The following ELP4 variants were observed in gnomAD, a reference collection of about 807,000 sequenced individuals.
ELP4 encodes the protein elongator acetyltransferase complex subunit 4.
Under a neutral mutation model 48.9 loss-of-function variants are expected in ELP4, and 51 were observed. The ratio of observed to expected loss-of-function variants is 1.04; its 90% confidence interval spans 0.83 to 1.32. ELP4 has a LOEUF of 1.32. ELP4 is among the 40% of genes most tolerant of loss of function. ELP4 has a pLI of 0.00. For missense variants in ELP4, 519 were observed against 514.6 expected, an observed-to-expected ratio of 1.01 and a Z score of -0.08; for synonymous variants, 210 against 189.2, an observed-to-expected ratio of 1.11 and a Z score of -0.90.
At chr11:31,595,411 A>T (rs1031263348) in intron 4 of ELP4, among the ~76,000 whole-genome samples, 1 of 152,158 alleles carries the variant, frequency 6.6e-6, no homozygotes, top group Non-Finnish European at 1.5e-5. Context: ...TGGTGATGGC[A>T]TGGTTCATTT....
chr11:31,693,364 G>C (rs535434601), intron 9 of ELP4, among the ~76,000 whole-genome samples: 42 of 151,812 alleles, frequency 2.8e-4, no homozygotes, highest in African/African-American at 9.7e-4. Context: ...CTGTGTCTAA[G>C]TGTTCTCATC....
At chr11:31,734,590 A>G (rs1317433348) in intron 9 of ELP4, among the ~76,000 whole-genome samples, 1 of 152,242 alleles carries the variant, frequency 6.6e-6, no homozygotes, top group Non-Finnish European at 1.5e-5. Flanking sequence ...AGGAAAATTA[A>G]GAAAGAAAAC....
At chr11:31,539,814 T>A (rs1956564156) in intron 3 of ELP4, 31 bp downstream of exon 3, 3 of 1,543,740 alleles carry the variant, frequency 1.9e-6, no homozygotes, top group Admixed American at 4.0e-5. Context: ...ATATTGCATT[T>A]TGAATGTTTC....
In ELP4 at chr11:31,509,806, G is replaced by A. The variant is rs766758202; in HGVS notation, c.22G>A (p.Gly8Ser). The A allele has an allele frequency of 1.3e-5, 21 of 1,614,146 alleles. No homozygotes were observed. Among genetic ancestry groups the A allele is most frequent in the Non-Finnish European group, 1.8e-5 (21 of 1,180,026 alleles). The change falls in exon 1 of 10, where the codon GGT becomes AGT. Residue 8 changes from glycine to serine, a missense_variant. Transcript: ENST00000640961. ...TAAGATGGCGGCAGTGGCAACCTGC[G>A]GTAGTGTTGCCGCGAGTACTGGGTC... MAAVATCGSVAASTGSAV... is the reference protein window; with the variant it reads MAAVATCSSVAASTGSAV...
At chr11:31,604,251 A>G (rs1255322033) in intron 5 of ELP4, among the ~76,000 whole-genome samples, 1 of 151,864 alleles carries the variant, frequency 6.6e-6, no homozygotes, top group Non-Finnish European at 1.5e-5. Flanking sequence ...CCTAATAAAT[A>G]TGTATTGATA....
intron 3 of ELP4, among the ~76,000 whole-genome samples, chr11:31,540,063 G>A (rs1956568313): frequency 1.3e-5 from 2 of 152,072 alleles, no homozygotes; most frequent in Admixed American, 1.3e-4. Flanking sequence ...TACTAGACCA[G>A]GCATTCACAA....
chr11:31,639,928 T>C (rs1433297185), intron 7 of ELP4, among the ~76,000 whole-genome samples: 1 of 151,972 alleles, frequency 6.6e-6, no homozygotes, highest in Non-Finnish European at 1.5e-5. Flanking sequence ...TAAAGGGCTA[T>C]TTAGGGCCAA....
intron 2 of ELP4, among the ~76,000 whole-genome samples, chr11:31,535,845 A>T (rs1956492000): frequency 6.6e-6 from 1 of 152,012 alleles, no homozygotes; most frequent in South Asian, 2.1e-4. Context: ...GTTTTGCCAT[A>T]TGTGCTTTTT....
At chr11:31,611,193 G>A (rs532811597) in intron 5 of ELP4, among the ~76,000 whole-genome samples, 2 of 152,310 alleles carry the variant, frequency 1.3e-5, no homozygotes, top group South Asian at 4.1e-4. Context: ...ATTTTCTGCA[G>A]TGATGGAAAT....
intron 2 of ELP4, among the ~76,000 whole-genome samples, chr11:31,523,366 A>C (rs1186613544): frequency 6.6e-6 from 1 of 152,230 alleles, no homozygotes; most frequent in Non-Finnish European, 1.5e-5. Context: ...AAATTAAAAC[A>C]TGAAGATTAT....
At chr11:31,655,401 T>A (rs1317420083) in intron 9 of ELP4, among the ~76,000 whole-genome samples, 1 of 151,936 alleles carries the variant, frequency 6.6e-6, no homozygotes, top group Non-Finnish European at 1.5e-5. Context: ...ATCATTTAAC[T>A]AAATTATTGT....
At chr11:31,718,525 T>C (rs1946888026) in intron 9 of ELP4, among the ~76,000 whole-genome samples, 2 of 152,218 alleles carry the variant, frequency 1.3e-5, no homozygotes, top group Admixed American at 6.5e-5. Flanking sequence ...TATTCCATGG[T>C]ACCTAGGTAC....
At chr11:31,561,439 A>T (rs1957023261) in intron 3 of ELP4, among the ~76,000 whole-genome samples, 1 of 125,092 alleles carries the variant, frequency 8.0e-6, no homozygotes, top group African/African-American at 2.5e-5. Context: ...AGAGCACATT[A>T]TTTTTTATTT....
intron 3 of ELP4, among the ~76,000 whole-genome samples, chr11:31,551,682 T>A (rs1488218848): frequency 6.6e-6 from 1 of 152,196 alleles, no homozygotes; most frequent in Non-Finnish European, 1.5e-5. Context: ...GCATTAAGTA[T>A]GGGCAGTTTG....
intron 3 of ELP4, among the ~76,000 whole-genome samples, chr11:31,586,240 A>G (rs1410311703): frequency 6.6e-6 from 1 of 152,202 alleles, no homozygotes; most frequent in Non-Finnish European, 1.5e-5. Flanking sequence ...TCAAACATAT[A>G]CCTAACATTT....
chr11:31,551,505 C>G (rs1305824920), intron 3 of ELP4, among the ~76,000 whole-genome samples: 1 of 152,148 alleles, frequency 6.6e-6, no homozygotes, highest in Non-Finnish European at 1.5e-5. Flanking sequence ...AAACAGCTAA[C>G]TGTGCTTCTT....
At chr11:31,566,465 TTC>T (rs1957113255) in intron 3 of ELP4, among the ~76,000 whole-genome samples, 1 of 152,216 alleles carries the variant, frequency 6.6e-6, no homozygotes, top group South Asian at 2.1e-4. Flanking sequence ...CATTTTTATT[TTC>T]TGTTATTTTT....
At chr11:31,709,206 A>T (rs1946692085) in intron 9 of ELP4, among the ~76,000 whole-genome samples, 1 of 152,292 alleles carries the variant, frequency 6.6e-6, no homozygotes, top group Admixed American at 6.5e-5. Context: ...GGTCCTGAGT[A>T]GGAAAGCATA....
At position 31,787,893 on chromosome 11, in the gene ELP4, C is replaced by T. The variant is rs1224881489; in HGVS notation, c.*4369C>T. On this transcript the variant is annotated 3_prime_UTR_variant, in exon 10 of 10. Transcript: ENST00000640961. ...TAATTTCTACATTTCTGATCATTTG[C>T]TTTTGGGGATTTTTTTAAAGCAGAG... is the stretch of plus-strand genomic sequence containing the variant. 1 of 220,740 alleles carries T rather than the reference C, an allele frequency of 4.5e-6. No homozygotes were observed. Among genetic ancestry groups the T allele is most frequent in the African/African-American group, 2.2e-5 (1 of 44,618 alleles). 13.7% of individuals were successfully genotyped at this position (220,740 alleles called of 1,614,324 possible).
Sources: allele counts gnomAD v4.1 joint callset (sites outside exome capture counted in the v4.1 genomes callset), GRCh38; gene constraint gnomAD v4.1.1; transcripts MANE v1.5; gene names NCBI Gene and HGNC (gene_info 2026-07-23, HGNC 2026-07-21).